Variants in EXOC6B observed in about 807,000 individuals in gnomAD.
EXOC6B encodes the protein exocyst complex component 6B, also known as SEC15 homolog B.
EXOC6B carries 54 observed loss-of-function variants against 113.5 expected under a neutral mutation model. The observed-to-expected ratio is 0.48, with a 90% confidence interval of 0.38 to 0.60. The LOEUF is 0.60. Ranked by LOEUF, EXOC6B falls within the 20% of genes least tolerant of loss-of-function variation. EXOC6B has a pLI of 0.00. For missense variants in EXOC6B, 797 were observed against 977.5 expected (o/e 0.82, Z 2.46); for synonymous variants, 357 against 339.0 (o/e 1.05, Z -0.58).
chr2:72,631,481 G>C (rs1259509409), intron 6 of EXOC6B, among the ~76,000 whole-genome samples: 1 of 6,670 alleles, frequency 1.5e-4, no homozygotes, highest in African/African-American at 3.5e-4. Flanking sequence ...GAGAGAGAGA[G>C]AGAGAGAGAG....
chr2:72,574,014 G>T (rs569524113), intron 7 of EXOC6B, among the ~76,000 whole-genome samples: 1 of 151,866 alleles, frequency 6.6e-6, no homozygotes, highest in East Asian at 2.0e-4. Context: ...TTCTGGGTAG[G>T]CTGAGGCAGG....
Position 72,825,867 on chromosome 2 carries a change from G to C in EXOC6B, c.44C>G (p.Ala15Gly). 1.2e-6 allele frequency: 2 copies of C among 1,613,408 alleles called. No individual in the cohort carries two copies. Among genetic ancestry groups the C allele is most frequent in the Non-Finnish European group, 1.7e-6 (2 of 1,179,698 alleles). The change falls in exon 1 of 22, where the codon GCG becomes GGG. Residue 15 changes from alanine (A) to glycine (G), a missense_variant. Coordinates refer to ENST00000272427, the MANE Select transcript of EXOC6B (RefSeq NM_015189.3). The surrounding 1 kb of genome is among the most constrained non-coding windows in gnomAD (Gnocchi z 4.4). Reference sequence around the variant, plus strand: ...TCGCAGGATCCGCTCGTGCTCTGCCGCTGTCTCCAGGCTCTCCGCCTCCGC... The same window carrying C: ...TCGCAGGATCCGCTCGTGCTCTGCCCCTGTCTCCAGGCTCTCCGCCTCCGC... ...KMAEAESLET[A>G]AEHERILREI...
intron 20 of EXOC6B, among the ~76,000 whole-genome samples, chr2:72,237,047 A>G (rs1008157747): frequency 5.9e-5 from 9 of 151,972 alleles, no homozygotes; most frequent in African/African-American, 2.2e-4. Context: ...GACTTGGGGA[A>G]AAAAAAAGGC....
chr2:72,749,845 C>T (rs1018291224), intron 1 of EXOC6B, among the ~76,000 whole-genome samples: 2 of 151,808 alleles, frequency 1.3e-5, no homozygotes, highest in African/African-American at 4.8e-5. Context: ...AGCCATGATC[C>T]ACTTATGCAT....
chr2:72,294,817 TCTC>T (rs1371755541), intron 20 of EXOC6B, among the ~76,000 whole-genome samples: 1 of 152,210 alleles, frequency 6.6e-6, no homozygotes, highest in Non-Finnish European at 1.5e-5. Flanking sequence ...CCACACTTCT[TCTC>T]ATTTCCCAAT....
At chr2:72,682,462 C>T (rs1200052837) in intron 6 of EXOC6B, among the ~76,000 whole-genome samples, 1 of 152,062 alleles carries the variant, frequency 6.6e-6, no homozygotes, top group Non-Finnish European at 1.5e-5. Flanking sequence ...CTTCTTTTTA[C>T]CTTTTTTTAA....
In EXOC6B at chr2:72,181,649, G is replaced by A. The variant is rs549293100; in HGVS notation, c.2310-2188C>T. Among the ~76,000 whole-genome samples, 8 of 152,308 alleles carry A rather than the reference G, an allele frequency of 5.3e-5. No individual in the cohort carries two copies. The South Asian group carries it at 1.7e-3, about 32-fold the overall frequency. ...GACTCCTGGAAGCAGCTGAGAGACA[G>A]GCAGCCCGCTGGCTTTTGGCTCCCA... On this transcript the variant is annotated intron_variant, in intron 21 of 21. Transcript: ENST00000272427.
At chr2:72,327,106 T>C (rs1295344182) in intron 20 of EXOC6B, among the ~76,000 whole-genome samples, 1 of 152,112 alleles carries the variant, frequency 6.6e-6, no homozygotes, top group East Asian at 1.9e-4. Context: ...CTGCCATTTA[T>C]GATAGTGCCT....
chr2:72,264,692 T>C (rs967278309), intron 20 of EXOC6B, among the ~76,000 whole-genome samples: 2 of 152,062 alleles, frequency 1.3e-5, no homozygotes, highest in Non-Finnish European at 2.9e-5. Flanking sequence ...GTGGAGGTAA[T>C]TGAATCATGG....
intron 6 of EXOC6B, among the ~76,000 whole-genome samples, chr2:72,663,583 TAAAACC>T (rs1675174301): frequency 6.6e-6 from 1 of 152,154 alleles, no homozygotes; most frequent in Non-Finnish European, 1.5e-5. Context: ...TAGGATGCAG[TAAAACC>T]TGTGCTTACA....
chr2:72,228,540 T>C (rs1681403077), intron 20 of EXOC6B, among the ~76,000 whole-genome samples: 1 of 152,006 alleles, frequency 6.6e-6, no homozygotes, highest in South Asian at 2.1e-4. Context: ...CTTGCGATAG[T>C]TTGCTGAGAA....
intron 20 of EXOC6B, among the ~76,000 whole-genome samples, chr2:72,184,637 A>T (rs1678304183): frequency 6.6e-6 from 1 of 152,230 alleles, no homozygotes; most frequent in South Asian, 2.1e-4. Flanking sequence ...TTGAACTTCA[A>T]GGTTAAAAGG....
At chr2:72,581,370 T>C (rs1452201010) in intron 6 of EXOC6B, among the ~76,000 whole-genome samples, 3 of 152,156 alleles carry the variant, frequency 2.0e-5, no homozygotes, top group African/African-American at 7.2e-5. Context: ...AAGACCATCT[T>C]CAGATAATCT....
chr2:72,382,699 T>G (rs1691761572), intron 18 of EXOC6B, among the ~76,000 whole-genome samples: 2 of 152,172 alleles, frequency 1.3e-5, no homozygotes, highest in South Asian at 4.1e-4. Context: ...CATCTCTGAT[T>G]TATTTGAGCA....
chr2:72,179,566 G>A (rs952414421), intron 21 of EXOC6B, 105 bp from the exon 22 acceptor site: 4 of 1,314,048 alleles, frequency 3.0e-6, no homozygotes, highest in Non-Finnish European at 4.3e-6. Context: ...ACTACCCAGA[G>A]TAATGAGAGA....
chr2:72,539,723 G>A (rs945134220), intron 8 of EXOC6B, among the ~76,000 whole-genome samples: 2 of 129,556 alleles, frequency 1.5e-5, no homozygotes, highest in African/African-American at 2.7e-5. Flanking sequence ...TTCCTTTCCT[G>A]TGGGCTATGC....
rs531638986 is a variant in EXOC6B at position 72,704,883 on chromosome 2, G to A, written c.669+13220C>T. ...TCCAGGACCAGATGGATTCACAGCC[G>A]AATTCTACCAGAGGTACAAGGAGGA... On this transcript the variant is annotated intron_variant, in intron 6 of 21. Coordinates refer to ENST00000272427, the MANE Select transcript of EXOC6B (RefSeq NM_015189.3). Among the ~76,000 whole-genome samples the A allele has an allele frequency of 5.0e-4, 75 of 150,934 alleles. 3 individuals are homozygous for A. The South Asian group carries it at 0.015, about 30-fold the overall frequency.
intron 1 of EXOC6B, among the ~76,000 whole-genome samples, chr2:72,790,947 G>T (rs1030435333): frequency 1.3e-5 from 2 of 152,142 alleles, no homozygotes; most frequent in Non-Finnish European, 2.9e-5. Flanking sequence ...GGAACAGAAT[G>T]GGGAAGGGGA....
intron 6 of EXOC6B, among the ~76,000 whole-genome samples, chr2:72,669,860 T>G (rs1675671226): frequency 6.6e-6 from 1 of 152,242 alleles, no homozygotes; most frequent in Admixed American, 6.5e-5. Context: ...CTCAACTATC[T>G]GATGTCCCTG....
Sources: allele counts gnomAD v4.1 joint callset (sites outside exome capture counted in the v4.1 genomes callset), GRCh38; gene constraint gnomAD v4.1.1; non-coding constraint Gnocchi (gnomAD v3.1); transcripts MANE v1.5; gene names NCBI Gene and HGNC (gene_info 2026-07-23, HGNC 2026-07-21).